Variants in RMND1 observed in about 807,000 individuals in gnomAD.
The protein encoded by RMND1 is required for meiotic nuclear division protein 1 homolog.
A neutral mutation model predicts 54.0 loss-of-function variants in RMND1; 41 were observed. The ratio of observed to expected loss-of-function variants is 0.76; its 90% CI spans 0.59 to 0.98. The LOEUF is 0.98. Among genes scored for constraint, RMND1 ranks in the 50% least tolerant of loss-of-function variants. The pLI is 0.00. For synonymous variants in RMND1, 183 were observed against 181.7 expected, an observed-to-expected ratio of 1.01 and a Z score of -0.06; for missense variants, 457 against 532.0, an observed-to-expected ratio of 0.86 and a Z score of 1.39.
At chr6:151,409,252 GT>G (rs1293881878) in intron 10 of RMND1, among the ~76,000 whole-genome samples, 1 of 150,254 alleles carries the variant, frequency 6.7e-6, no homozygotes, top group Non-Finnish European at 1.5e-5. Flanking sequence ...GTATTCCCCT[GT>G]TTCACCAGCC....
chr6:151,448,397 T>C (rs776484973), intron 1 of RMND1, among the ~76,000 whole-genome samples: 12 of 115,876 alleles, frequency 1.0e-4, no homozygotes, highest in Non-Finnish European at 1.9e-4. Context: ...CATATCCAGT[T>C]TACACTCCAT....
chr6:151,442,332 C>T (rs936823971), intron 2 of RMND1, among the ~76,000 whole-genome samples: 23 of 152,026 alleles, frequency 1.5e-4, no homozygotes, highest in Non-Finnish European at 3.1e-4. Flanking sequence ...TTATCATGAG[C>T]AATGTATTCT....
At chr6:151,411,067 C>T (rs1056193655) in intron 10 of RMND1, among the ~76,000 whole-genome samples, 2 of 152,178 alleles carry the variant, frequency 1.3e-5, no homozygotes, top group African/African-American at 4.8e-5. Context: ...TCAAGTGATT[C>T]TAGTGCCTCA....
rs761259243 is a variant in RMND1 at position 151,423,644 on chromosome 6, A to G, written c.831-13T>C. ...TTTTGACTGTCCCCTGTGAAAAGCA[A>G]AAAGATAATACCTTCTAAATCTTAA... On this transcript the variant is annotated splice_polypyrimidine_tract_variant and intron_variant, in intron 6 of 11. Coordinates refer to ENST00000444024, the MANE Select transcript of RMND1 (RefSeq NM_017909.4). The G allele has an allele frequency of 1.3e-6, 2 of 1,506,562 alleles. No individual in the cohort carries two copies. The highest frequency in any genetic ancestry group is 1.7e-5 in the Admixed American group (1 of 59,856). The allele number at this position is 1,506,562 out of a possible 1,614,324, so 93.3% of individuals were successfully genotyped here.
intron 1 of RMND1, among the ~76,000 whole-genome samples, chr6:151,450,265 C>T (rs1293238985): frequency 2.0e-5 from 3 of 151,612 alleles, no homozygotes; most frequent in South Asian, 2.1e-4. Context: ...CCCGCCGCCC[C>T]GTCTGGGATG....
At chr6:151,447,810 CTTTTT>C (rs869136474) in intron 1 of RMND1, among the ~76,000 whole-genome samples, 7 of 110,338 alleles carry the variant, frequency 6.3e-5, no homozygotes, top group Non-Finnish European at 8.8e-5. Flanking sequence ...TGAGTAAATT[CTTTTT>C]TTTTTTTTTT....
intron 1 of RMND1, among the ~76,000 whole-genome samples, chr6:151,450,417 C>T (rs1438280874): frequency 3.2e-5 from 4 of 124,746 alleles, no homozygotes; most frequent in African/African-American, 1.1e-4. Flanking sequence ...GGTCAGCCCC[C>T]CGCCCGGCCA....
chr6:151,415,887 A>G (rs1287881461), intron 10 of RMND1, among the ~76,000 whole-genome samples: 1 of 151,874 alleles, frequency 6.6e-6, no homozygotes, highest in African/African-American at 2.4e-5. Context: ...GAGATTACTC[A>G]CTGCCAGGGG....
intron 10 of RMND1, among the ~76,000 whole-genome samples, chr6:151,412,315 TA>T (rs1349197200): frequency 2.1e-5 from 3 of 145,192 alleles, no homozygotes; most frequent in East Asian, 4.0e-4. Flanking sequence ...ACTTGCTTTT[TA>T]ATTTTTTTTT....
intron 1 of RMND1, among the ~76,000 whole-genome samples, chr6:151,447,190 C>A (rs1277844165): frequency 6.6e-6 from 1 of 152,106 alleles, no homozygotes; most frequent in African/African-American, 2.4e-5. Context: ...TAGGAGTGAG[C>A]TGCAGGAGGT....
At position 151,436,565 on chromosome 6, in the gene RMND1, G is replaced by A. The variant is rs1780622842; in HGVS notation, c.505-11C>T. 28 of 1,613,182 alleles carry A rather than the reference G, an allele frequency of 1.7e-5. No individual in the cohort carries two copies. Among genetic ancestry groups the A allele is most frequent in the Non-Finnish European group, 2.1e-5 (25 of 1,179,430 alleles). ...GCAGTGCATTAGGTCCTGTTCCAGG[G>A]AAATGAGCATAACATGGGTTACCAA... On this transcript the variant is annotated splice_polypyrimidine_tract_variant and intron_variant, in intron 2 of 11. Transcript: ENST00000444024.
At chr6:151,450,542 C>T (rs1481884865) in intron 1 of RMND1, among the ~76,000 whole-genome samples, 2 of 147,846 alleles carry the variant, frequency 1.4e-5, no homozygotes, top group Non-Finnish European at 3.0e-5. Flanking sequence ...GGGGTCAGCC[C>T]CCCGCCCGGC....
chr6:151,447,765 G>T (rs1452531808), intron 1 of RMND1, among the ~76,000 whole-genome samples: 2 of 66,256 alleles, frequency 3.0e-5, no homozygotes, highest in East Asian at 1.9e-3. Context: ...TATTTTAGAA[G>T]TTTGTCTACA....
chr6:151,437,951 C>T lies in RMND1; in HGVS notation c.505-1397G>A, dbSNP rs1347234926. Reference sequence around the variant, plus strand: ...TAATCCAATTAGAAAAAAAGTCAGACAAGCTGAAATTACTGGGGAATGTGG... The same window carrying T: ...TAATCCAATTAGAAAAAAAGTCAGATAAGCTGAAATTACTGGGGAATGTGG... On this transcript the variant is annotated intron_variant, in intron 2 of 11. Coordinates refer to ENST00000444024, the MANE Select transcript of RMND1 (RefSeq NM_017909.4). Among the ~76,000 whole-genome samples the T allele has an allele frequency of 2.6e-5, 4 of 152,280 alleles. No homozygotes were observed. In the East Asian group the frequency reaches 5.8e-4, roughly 22 times the overall value.
intron 6 of RMND1, among the ~76,000 whole-genome samples, chr6:151,425,946 C>CTT (rs67910450): frequency 0.066 from 9,042 of 137,628 alleles, 667 homozygotes; most frequent in East Asian, 0.33. Flanking sequence ...GCTTTTAACG[C>CTT]TTTTTTTTTT....
chr6:151,416,741 A>C (rs1288398409), intron 10 of RMND1: 5 of 152,222 alleles, frequency 3.3e-5, no homozygotes, highest in African/African-American at 9.7e-5. Context: ...CTGCCCTTCT[A>C]AATGCCTGCA....
intron 3 of RMND1, among the ~76,000 whole-genome samples, chr6:151,434,570 C>G (rs1054035695): frequency 5.3e-5 from 8 of 152,192 alleles, no homozygotes; most frequent in Admixed American, 2.0e-4. Flanking sequence ...TCAGCATCAG[C>G]CAACAATACC....
chr6:151,446,193 C>G (rs967917686), intron 1 of RMND1, among the ~76,000 whole-genome samples: 6 of 151,860 alleles, frequency 4.0e-5, no homozygotes, highest in African/African-American at 1.5e-4. Flanking sequence ...GAGGCTGAGG[C>G]AGGTGGATCG....
intron 10 of RMND1, among the ~76,000 whole-genome samples, chr6:151,410,956 C>G (rs922243082): frequency 4.6e-5 from 7 of 151,976 alleles, no homozygotes; most frequent in Non-Finnish European, 2.9e-5. Context: ...GAGACTTTAT[C>G]TTATTTATTA....
Sources: allele counts gnomAD v4.1 joint callset (sites outside exome capture counted in the v4.1 genomes callset), GRCh38; gene constraint gnomAD v4.1.1; transcripts MANE v1.5; gene names NCBI Gene and HGNC (gene_info 2026-07-23, HGNC 2026-07-21).